The following STK3 variants were observed in gnomAD, a reference collection of about 807,000 sequenced individuals.
The protein encoded by STK3 is serine/threonine-protein kinase 3.
STK3 carries 41 observed loss-of-function variants against 58.0 expected under a neutral mutation model. That is an observed-to-expected ratio of 0.71 (90% CI 0.55 to 0.92). The LOEUF (loss-of-function observed/expected upper bound fraction) is 0.92, where lower values mean the gene tolerates loss of function less well. STK3 is among the 40% of genes least tolerant of loss of function. The pLI, the probability that STK3 is intolerant of heterozygous loss-of-function variation, is 0.00. For missense variants in STK3, 479 were observed against 602.7 expected, an observed-to-expected ratio of 0.79 and a Z score of 2.15; for synonymous variants, 170 against 191.0, an observed-to-expected ratio of 0.89 and a Z score of 0.91.
At chr8:98,814,876 T>C (rs1834451049) in intron 1 of STK3, among the ~76,000 whole-genome samples, 1 of 152,060 alleles carries the variant, frequency 6.6e-6, no homozygotes, top group African/African-American at 2.4e-5. Flanking sequence ...GAAACCAGGT[T>C]TTGCCATGTT....
chr8:98,503,143 A>G (rs1346100415), intron 10 of STK3, among the ~76,000 whole-genome samples: 3 of 152,126 alleles, frequency 2.0e-5, no homozygotes, highest in Non-Finnish European at 4.4e-5. Context: ...GGGAGCATGT[A>G]TGTGTCCAGT....
intron 6 of STK3, among the ~76,000 whole-genome samples, chr8:98,614,613 G>C (rs529077610): frequency 6.7e-6 from 1 of 149,666 alleles, no homozygotes; most frequent in Non-Finnish European, 1.5e-5. Context: ...CACCGTGCGC[G>C]AGCCGAAGCA....
chr8:98,701,267 A>C (rs955914574), intron 6 of STK3, among the ~76,000 whole-genome samples: 2 of 152,122 alleles, frequency 1.3e-5, no homozygotes, highest in Non-Finnish European at 2.9e-5. Context: ...GAAGGACGGA[A>C]GGAAGGAAAT....
chr8:98,787,061 C>A (rs1045858158), intron 1 of STK3, among the ~76,000 whole-genome samples: 8 of 143,576 alleles, frequency 5.6e-5, no homozygotes, highest in African/African-American at 1.8e-4. Context: ...CCCAGCTACT[C>A]GGGAGGCTGA....
At chr8:98,645,537 C>T (rs1228907171) in intron 6 of STK3, among the ~76,000 whole-genome samples, 2 of 152,084 alleles carry the variant, frequency 1.3e-5, no homozygotes, top group African/African-American at 4.8e-5. Context: ...TAAACTGTAG[C>T]AAAAGTGAAT....
At chr8:98,597,968 GGTTAAAA>G (rs1416124207) in intron 6 of STK3, 10 of 985,058 alleles carry the variant, frequency 1.0e-5, no homozygotes, top group Admixed American at 6.2e-5. Context: ...AGTAAAATGG[GGTTAAAA>G]GCAGCTGCTG....
rs1022732271 is a variant in STK3, at chr8:98,646,706, T to C, written c.685-50537A>G. ...CCTCCTGCTTTTTTCTGTTTTACAG[T>C]AATTCTCTCCAGCTAACTTCACTCT... On this transcript the variant is annotated intron_variant, in intron 6 of 10. Transcript: ENST00000419617. Among the ~76,000 whole-genome samples the C allele has an allele frequency of 7.2e-5, 11 of 152,298 alleles. No individual in the cohort carries two copies. The East Asian group carries it at 1.9e-3, about 27-fold the overall frequency.
chr8:98,672,532 AAAC>A (rs1490418217), intron 6 of STK3, among the ~76,000 whole-genome samples: 1 of 152,228 alleles, frequency 6.6e-6, no homozygotes, highest in Non-Finnish European at 1.5e-5. Flanking sequence ...CTAATTACTT[AAAC>A]AACATCACCA....
chr8:98,912,552 T>C (rs1839187102), intron 1 of STK3, among the ~76,000 whole-genome samples: 1 of 152,144 alleles, frequency 6.6e-6, no homozygotes, highest in African/African-American at 2.4e-5. Flanking sequence ...TTCATAGGGA[T>C]GGAACGTGCC....
intron 1 of STK3, among the ~76,000 whole-genome samples, chr8:98,818,823 A>AT (rs926229401): frequency 3.2e-4 from 48 of 151,910 alleles, no homozygotes; most frequent in African/African-American, 1.0e-3. Context: ...CAAACAATGA[A>AT]TTTTTTTTGT....
chr8:98,673,002 G>A (rs1340611863), intron 6 of STK3, among the ~76,000 whole-genome samples: 2 of 152,114 alleles, frequency 1.3e-5, no homozygotes, highest in African/African-American at 4.8e-5. Context: ...CACATTTACT[G>A]ACTTTGAGTG....
intron 3 of STK3, among the ~76,000 whole-genome samples, chr8:98,831,684 G>C (rs1835538715): frequency 2.6e-5 from 4 of 152,170 alleles, no homozygotes; most frequent in African/African-American, 4.8e-5. Context: ...GTTTTTATTT[G>C]CAGGAAAATT....
intron 4 of STK3, among the ~76,000 whole-genome samples, chr8:98,737,897 A>G (rs1316352940): frequency 2.0e-5 from 3 of 152,054 alleles, no homozygotes; most frequent in African/African-American, 7.2e-5. Context: ...TTTAGTAGAG[A>G]CAGAGTTTTG....
intron 3 of STK3, among the ~76,000 whole-genome samples, chr8:98,841,239 A>T (rs960406392): frequency 2.0e-5 from 3 of 152,232 alleles, no homozygotes; most frequent in Non-Finnish European, 2.9e-5. Context: ...AAGAGAGAGG[A>T]TTACACAGAG....
At chr8:98,523,186 AC>A (rs1383772553) in intron 10 of STK3, among the ~76,000 whole-genome samples, 5 of 152,150 alleles carry the variant, frequency 3.3e-5, no homozygotes, top group African/African-American at 1.2e-4. Context: ...CAATTTCTCT[AC>A]GTCTTCAGAA....
intron 3 of STK3, among the ~76,000 whole-genome samples, chr8:98,835,995 G>A (rs1223020618): frequency 6.6e-6 from 1 of 152,182 alleles, no homozygotes; most frequent in Non-Finnish European, 1.5e-5. Flanking sequence ...GAAGTCAGGA[G>A]TTCGAGACCA....
chr8:98,467,084 C>A (rs1820527291), intron 10 of STK3, among the ~76,000 whole-genome samples: 1 of 152,152 alleles, frequency 6.6e-6, no homozygotes, highest in Admixed American at 6.5e-5. Context: ...CCTTTAGTGG[C>A]ACACCAGTGG....
At chr8:98,876,778 G>T (rs1837574543) in intron 3 of STK3, among the ~76,000 whole-genome samples, 1 of 152,214 alleles carries the variant, frequency 6.6e-6, no homozygotes, top group Non-Finnish European at 1.5e-5. Context: ...CAGTCTCTCT[G>T]TTTCAGCTTC....
At chr8:98,785,957 G>GA (rs1832441356) in intron 1 of STK3, among the ~76,000 whole-genome samples, 1 of 152,124 alleles carries the variant, frequency 6.6e-6, no homozygotes, top group Admixed American at 6.5e-5. Context: ...CTGGCACCAT[G>GA]AAAAAATCTG....
Sources: allele counts gnomAD v4.1 joint callset (sites outside exome capture counted in the v4.1 genomes callset), GRCh38; gene constraint gnomAD v4.1.1; transcripts MANE v1.5; gene names NCBI Gene and HGNC (gene_info 2026-07-23, HGNC 2026-07-21).